The following SCEL variants were observed in gnomAD, a reference collection of about 807,000 sequenced individuals.
The protein encoded by SCEL is sciellin.
A neutral mutation model predicts 117.6 loss-of-function variants in SCEL; 113 were observed. That is an observed-to-expected ratio of 0.96 (90% CI 0.83 to 1.12). The LOEUF (loss-of-function observed/expected upper bound fraction) is 1.12, where lower values mean the gene tolerates loss of function less well. Ranked by LOEUF, SCEL falls within the 50% of genes most tolerant of loss-of-function variation. The pLI, the probability that SCEL is intolerant of heterozygous loss-of-function variation, is 0.00. For missense variants in SCEL, 785 were observed against 810.8 expected (o/e 0.97, Z 0.39); for synonymous variants, 270 against 256.2 (o/e 1.05, Z -0.51).
chr13:77,549,664 G>A (rs760592930), intron 1 of SCEL, among the ~76,000 whole-genome samples: 10 of 152,118 alleles, frequency 6.6e-5, no homozygotes, highest in African/African-American at 1.7e-4. Flanking sequence ...TATTATTTAC[G>A]TGGCTTCTGT....
rs906212947 is a variant in SCEL at position 77,637,137 on chromosome 13, G to T, written c.1781G>T (p.Gly594Val). The stretch of plus-strand genomic sequence containing the variant: ...GTTCCTAGTAAATCACCCAAGGATG[G>T]ATATCAGGAGAATATCTCTGGAAAA... ...YVENSKSPKDGYQENISGKYI... is the reference protein window; with the variant it reads ...YVENSKSPKDVYQENISGKYI... The change falls in exon 30 of 33, where the codon GGA (glycine) becomes GTA (valine). Residue 594 changes from glycine to valine, a missense_variant. Transcript: ENST00000349847. 3.2e-6 allele frequency: 5 copies of T among 1,547,160 alleles called. No homozygotes were observed. In the African/African-American group the frequency reaches 5.6e-5, roughly 17 times the overall value.
chr13:77,589,263 G>A, intron 10 of SCEL, 39 bp downstream of exon 10: 1 of 1,472,740 alleles, frequency 6.8e-7, no homozygotes, highest in Non-Finnish European at 9.5e-7. Flanking sequence ...ACAAAATGAA[G>A]TTCAAGGGAA....
chr13:77,605,510 GCTGA>G (rs922538392), intron 19 of SCEL, among the ~76,000 whole-genome samples: 1 of 152,120 alleles, frequency 6.6e-6, no homozygotes. Context: ...TCTATCACTT[GCTGA>G]CTATCTCCCT....
chr13:77,573,995 T>C (rs1160674829), intron 9 of SCEL, among the ~76,000 whole-genome samples: 2 of 152,362 alleles, frequency 1.3e-5, no homozygotes, highest in South Asian at 4.1e-4. Context: ...TATTATTTTT[T>C]CTGAGTATTG....
intron 1 of SCEL, among the ~76,000 whole-genome samples, chr13:77,544,241 A>G (rs1419318868): frequency 6.6e-6 from 1 of 152,108 alleles, no homozygotes; most frequent in Non-Finnish European, 1.5e-5. Flanking sequence ...GTGTTAATTT[A>G]CTTTCTGCTG....
intron 17 of SCEL, 140 bp from the exon 18 acceptor site, chr13:77,602,936 A>G (rs2087823337): frequency 1.6e-6 from 1 of 641,682 alleles, no homozygotes; most frequent in Non-Finnish European, 2.6e-6. Flanking sequence ...TTGATTGGCA[A>G]TTTTTATACT....
At chr13:77,601,092 A>G (rs553225458) in intron 15 of SCEL, among the ~76,000 whole-genome samples, 5 of 150,822 alleles carry the variant, frequency 3.3e-5, no homozygotes, top group African/African-American at 1.2e-4. Context: ...AATGTGGAAT[A>G]GATGAAGTTG....
intron 9 of SCEL, among the ~76,000 whole-genome samples, chr13:77,580,277 A>G (rs1259367631): frequency 4.6e-5 from 7 of 152,202 alleles, no homozygotes; most frequent in Admixed American, 3.9e-4. Flanking sequence ...CTTTTGTTTT[A>G]TGATCTGCCC....
chr13:77,601,969 G>T (rs1203627149), intron 15 of SCEL, 96 bp from the exon 16 acceptor site: 2 of 891,572 alleles, frequency 2.2e-6, no homozygotes, highest in African/African-American at 3.4e-5. Context: ...TCTCTTGTGG[G>T]AAATCTGCTG....
intron 9 of SCEL, among the ~76,000 whole-genome samples, chr13:77,574,703 G>A (rs2085834676): frequency 6.6e-6 from 1 of 152,104 alleles, no homozygotes; most frequent in Non-Finnish European, 1.5e-5. Context: ...AGGGAGTAAA[G>A]GCTTCACAAA....
intron 1 of SCEL, among the ~76,000 whole-genome samples, chr13:77,552,338 A>G (rs982158369): frequency 2.0e-5 from 3 of 151,744 alleles, no homozygotes; most frequent in African/African-American, 7.3e-5. Context: ...CTATTTCTCC[A>G]CATCCTCTCC....
intron 9 of SCEL, among the ~76,000 whole-genome samples, chr13:77,574,811 A>G (rs2085843185): frequency 6.6e-6 from 1 of 152,198 alleles, no homozygotes; most frequent in Non-Finnish European, 1.5e-5. Flanking sequence ...TAATAGCTCA[A>G]TGTTAAACAT....
chr13:77,553,100 A>G (rs2084436210), intron 1 of SCEL, among the ~76,000 whole-genome samples: 1 of 152,130 alleles, frequency 6.6e-6, no homozygotes, highest in Non-Finnish European at 1.5e-5. Flanking sequence ...AAATATAGTC[A>G]CCTGCTGAGA....
At chr13:77,567,929 G>A (rs1221744541) in intron 6 of SCEL, among the ~76,000 whole-genome samples, 181 bp downstream of exon 6, 1 of 152,184 alleles carries the variant, frequency 6.6e-6, no homozygotes, top group African/African-American at 2.4e-5. Flanking sequence ...AAGAGCACTT[G>A]TAGCTCCAAA....
chr13:77,563,802 T>G lies in SCEL; in HGVS notation c.222-29T>G, dbSNP rs374892543. 8.1e-5 allele frequency: 125 copies of G among 1,543,096 alleles called. No individual in the cohort carries two copies. In the African/African-American group the frequency reaches 1.5e-3, roughly 19 times the overall value. ...TTTTTTTTGTAATTGATTTGATTTTTTTTTTTTTGGTAATTATGTTTGCTA... is the reference window on the plus strand; with the variant it reads ...TTTTTTTTGTAATTGATTTGATTTTGTTTTTTTTGGTAATTATGTTTGCTA... On this transcript the variant is annotated intron_variant, in intron 4 of 32. Transcript: ENST00000349847.
intron 6 of SCEL, 111 bp from the exon 7 acceptor site, chr13:77,568,184 T>G (rs1184625987): frequency 1.5e-6 from 1 of 672,114 alleles, no homozygotes; most frequent in Non-Finnish European, 2.6e-6. Context: ...TTTCTATTTC[T>G]TTCTCTCACC....
chr13:77,550,026 G>A (rs1029641824), intron 1 of SCEL, among the ~76,000 whole-genome samples: 1 of 141,480 alleles, frequency 7.1e-6, no homozygotes, highest in Admixed American at 7.1e-5. Context: ...TTTTTTTTTA[G>A]TTGAGATATA....
At chr13:77,570,823 T>G (rs1224317418) in intron 8 of SCEL, among the ~76,000 whole-genome samples, 1 of 152,170 alleles carries the variant, frequency 6.6e-6, no homozygotes, top group Non-Finnish European at 1.5e-5. Context: ...TATTTTTACT[T>G]GTCAGAGTTT....
chr13:77,602,188 G>T, intron 16 of SCEL, 64 bp downstream of exon 16: 1 of 1,322,768 alleles, frequency 7.6e-7, no homozygotes, highest in South Asian at 1.3e-5. Flanking sequence ...ACCTCATTAG[G>T]AATGGGAGTG....
Sources: gnomAD v4.1 joint callset for allele counts (sites outside exome capture counted in the v4.1 genomes callset) on GRCh38, gnomAD v4.1.1 for gene constraint, MANE v1.5 for transcripts, NCBI Gene and HGNC (gene_info 2026-07-23, HGNC 2026-07-21) for gene names.